Variants in L3MBTL4 observed in about 807,000 individuals in gnomAD.
L3MBTL4 encodes the protein lethal(3)malignant brain tumor-like protein 4.
Under a neutral mutation model 84.5 loss-of-function variants are expected in L3MBTL4, and 70 were observed. The observed-to-expected ratio is 0.83, with a 90% CI of 0.68 to 1.01. The LOEUF is 1.01. Among genes scored for constraint, L3MBTL4 ranks in the 50% least tolerant of loss-of-function variants. L3MBTL4 has a pLI of 0.00. For synonymous variants in L3MBTL4, 274 were observed against 259.8 expected (o/e 1.05, Z -0.52); for missense variants, 715 against 754.8 (o/e 0.95, Z 0.62).
intron 12 of L3MBTL4, among the ~76,000 whole-genome samples, chr18:6,184,959 G>A (rs2044652677): frequency 6.6e-6 from 1 of 152,224 alleles, no homozygotes; most frequent in Admixed American, 6.5e-5. Flanking sequence ...CTTTGTGCCA[G>A]TATAACTTGG....
intron 10 of L3MBTL4, among the ~76,000 whole-genome samples, chr18:6,227,616 A>T (rs2046830539): frequency 6.6e-6 from 1 of 152,222 alleles, no homozygotes; most frequent in African/African-American, 2.4e-5. Context: ...TTTCCAATTC[A>T]TTTGTGAGAT....
intron 10 of L3MBTL4, among the ~76,000 whole-genome samples, chr18:6,222,714 C>T (rs942037848): frequency 2.0e-5 from 3 of 152,086 alleles, no homozygotes; most frequent in African/African-American, 7.2e-5. Context: ...TTATTACATC[C>T]TCAGCTCCTA....
chr18:6,226,168 A>G (rs1449584861), intron 10 of L3MBTL4, among the ~76,000 whole-genome samples: 2 of 152,162 alleles, frequency 1.3e-5, no homozygotes, highest in Non-Finnish European at 2.9e-5. Flanking sequence ...ACACTTTCGG[A>G]GGCAGAGGCA....
intron 1 of L3MBTL4, among the ~76,000 whole-genome samples, chr18:6,368,398 C>T (rs934091919): frequency 3.9e-5 from 6 of 152,110 alleles, no homozygotes; most frequent in African/African-American, 1.4e-4. Flanking sequence ...ACTTGACTAC[C>T]CATTGGATTA....
intron 1 of L3MBTL4, among the ~76,000 whole-genome samples, chr18:6,326,254 G>T (rs2051711945): frequency 6.6e-6 from 1 of 152,162 alleles, no homozygotes; most frequent in Non-Finnish European, 1.5e-5. Context: ...CAAAAAAGGT[G>T]TCTACTGTAA....
At chr18:6,280,092 CA>C (rs1192207176) in intron 4 of L3MBTL4, among the ~76,000 whole-genome samples, 1 of 152,164 alleles carries the variant, frequency 6.6e-6, no homozygotes, top group Non-Finnish European at 1.5e-5. Flanking sequence ...GCTAACCTTT[CA>C]AAACACTAGT....
intron 1 of L3MBTL4, among the ~76,000 whole-genome samples, chr18:6,370,606 C>T (rs1402805087): frequency 2.0e-5 from 3 of 152,136 alleles, no homozygotes; most frequent in Non-Finnish European, 4.4e-5. Context: ...AGAATCACAC[C>T]CACTACTGGT....
At chr18:6,250,165 T>C (rs1173378829) in intron 5 of L3MBTL4, among the ~76,000 whole-genome samples, 1 of 152,242 alleles carries the variant, frequency 6.6e-6, no homozygotes, top group Non-Finnish European at 1.5e-5. Context: ...GAAATTGATT[T>C]TGTCACTAAT....
chr18:6,039,070 C>T (rs1239497571), intron 16 of L3MBTL4, among the ~76,000 whole-genome samples: 1 of 151,942 alleles, frequency 6.6e-6, no homozygotes, highest in Admixed American at 6.6e-5. Flanking sequence ...CATGCATACA[C>T]ATACAAAGAA....
At chr18:5,995,842 G>C (rs879713645) in intron 16 of L3MBTL4, among the ~76,000 whole-genome samples, 1 of 152,136 alleles carries the variant, frequency 6.6e-6, no homozygotes, top group Admixed American at 6.6e-5. Context: ...GGCTGGTAGG[G>C]AGAAGCCAAG....
chr18:6,004,623 A>G (rs2054379588), intron 16 of L3MBTL4, among the ~76,000 whole-genome samples: 1 of 152,218 alleles, frequency 6.6e-6, no homozygotes, highest in African/African-American at 2.4e-5. Flanking sequence ...GTCCACTGAT[A>G]GATGAACAGA....
Position 6,390,416 on chromosome 18 carries a change from G to A in L3MBTL4, c.-91+24385C>T, listed in dbSNP as rs546986379. 9.2e-5 allele frequency among the ~76,000 whole-genome samples: 14 copies of A among 151,964 alleles called. No individual in the cohort carries two copies. In the East Asian group the frequency reaches 1.7e-3, roughly 19 times the overall value. On this transcript the variant is annotated intron_variant, in intron 1 of 18. Transcript: ENST00000317931. The stretch of plus-strand genomic sequence containing the variant: ...TTAACAACTTATTGTCACACTTCAG[G>A]GAACTAGAGAACAAGAGCAAACTAA...
chr18:5,973,598 T>C (rs2052759190), intron 16 of L3MBTL4, among the ~76,000 whole-genome samples: 1 of 152,184 alleles, frequency 6.6e-6, no homozygotes, highest in Non-Finnish European at 1.5e-5. Context: ...AAGTTGTTAA[T>C]AAATTAAAGA....
intron 1 of L3MBTL4, among the ~76,000 whole-genome samples, chr18:6,391,785 T>A (rs923940417): frequency 2.0e-5 from 3 of 152,056 alleles, no homozygotes; most frequent in African/African-American, 4.8e-5. Context: ...CTACTAGGAC[T>A]ATACTTAACC....
chr18:6,327,820 A>G (rs933104979), intron 1 of L3MBTL4, among the ~76,000 whole-genome samples: 4 of 150,886 alleles, frequency 2.7e-5, no homozygotes, highest in African/African-American at 9.7e-5. Flanking sequence ...CAAAAATTCA[A>G]CATTAGGGGT....
At chr18:6,230,018 T>C (rs1054422640) in intron 10 of L3MBTL4, among the ~76,000 whole-genome samples, 13 of 152,218 alleles carry the variant, frequency 8.5e-5, no homozygotes, top group African/African-American at 2.9e-4. Context: ...AAAATGTCTT[T>C]GGAATTTTGA....
intron 5 of L3MBTL4, 47 bp from the exon 6 acceptor site, chr18:6,244,635 G>A: frequency 2.3e-6 from 3 of 1,282,852 alleles, no homozygotes; most frequent in East Asian, 4.6e-5. Flanking sequence ...TTTCATCACA[G>A]TTTTATATTA....
intron 10 of L3MBTL4, among the ~76,000 whole-genome samples, chr18:6,232,980 T>C (rs2047059333): frequency 6.6e-6 from 1 of 152,098 alleles, no homozygotes; most frequent in African/African-American, 2.4e-5. Flanking sequence ...CATGATCAAG[T>C]GGGCTTCATC....
chr18:6,012,326 G>A (rs60232454), intron 16 of L3MBTL4, among the ~76,000 whole-genome samples: 4,859 of 152,238 alleles, frequency 0.032, 145 homozygotes, highest in Admixed American at 0.086. Flanking sequence ...AAATATCAAC[G>A]AGGAGAAAAA....
Sources: gnomAD v4.1 joint callset for allele counts (sites outside exome capture counted in the v4.1 genomes callset) on GRCh38, gnomAD v4.1.1 for gene constraint, MANE v1.5 for transcripts, NCBI Gene and HGNC (gene_info 2026-07-23, HGNC 2026-07-21) for gene names.